KIFC3: variants seen among roughly 807,000 people sequenced by gnomAD.
The protein encoded by KIFC3 is kinesin family member C3, also known as kinesin-like protein KIFC3.
In KIFC3, 60 loss-of-function variants were observed where a neutral mutation model predicts 101.8. The observed-to-expected ratio is 0.59, with a 90% CI of 0.48 to 0.73. The LOEUF (loss-of-function observed/expected upper bound fraction) is 0.73. Ranked by LOEUF, KIFC3 falls within the 30% of genes least tolerant of loss-of-function variation. The probability of loss-of-function intolerance (pLI) is 0.00; values close to 1 mark genes in which losing one functional copy is unlikely to be tolerated. For missense variants in KIFC3, 966 were observed against 1,137.1 expected, an observed-to-expected ratio of 0.85 and a Z score of 2.16; for synonymous variants, 476 against 482.7, an observed-to-expected ratio of 0.99 and a Z score of 0.18.
intron 1 of KIFC3, chr16:57,816,967 C>G: frequency 9.0e-6 from 3 of 332,882 alleles, no homozygotes; most frequent in Non-Finnish European, 1.8e-5. Flanking sequence ...ATGCCGGGCA[C>G]CATGGCATGG....
intron 1 of KIFC3, among the ~76,000 whole-genome samples, chr16:57,849,838 G>A (rs560661018): frequency 2.0e-5 from 3 of 152,274 alleles, no homozygotes; most frequent in East Asian, 1.9e-4. Context: ...GGAATGTGGA[G>A]GTTGCAGTGA....
At chr16:57,772,850 A>C (rs372607080) in intron 3 of KIFC3, among the ~76,000 whole-genome samples, 1 of 152,132 alleles carries the variant, frequency 6.6e-6, no homozygotes, top group South Asian at 2.1e-4. Flanking sequence ...CCCTGCTCCC[A>C]ATCTGCCTTG....
chr16:57,777,874 G>A (rs1555612593), intron 3 of KIFC3, among the ~76,000 whole-genome samples: 2 of 152,220 alleles, frequency 1.3e-5, no homozygotes, highest in East Asian at 1.9e-4. Flanking sequence ...AGGTTGCCAA[G>A]ATCATTTAAT....
chr16:57,812,241 G>A (rs1030759779), intron 1 of KIFC3, among the ~76,000 whole-genome samples: 15 of 151,234 alleles, frequency 9.9e-5, no homozygotes, highest in Non-Finnish European at 2.1e-4. Context: ...ATGGGGTTTC[G>A]CCGTGTTAGC....
rs782179828 is a variant in KIFC3 at position 57,816,380 on chromosome 16, T to TCAGAAGACC, written c.109-18107_109-18099dup. Reference sequence around the variant, plus strand: ...TCCTGGCTTCCTCTTGAGGAAGGCCTCAGAAGACCCGCCTTTGGTCACAGG... The same window carrying TCAGAAGACC: ...TCCTGGCTTCCTCTTGAGGAAGGCCTCAGAAGACCCAGAAGACCCGCCTTTGGTCACAGG... On this transcript the variant is annotated intron_variant, in intron 1 of 2. Coordinates refer to the KIFC3 transcript ENST00000563028. 243 of 677,162 alleles carry TCAGAAGACC rather than the reference T, an allele frequency of 3.6e-4. 1 individual carries two copies. In the Middle Eastern group the frequency reaches 6.0e-3, roughly 17 times the overall value. The allele number at this position is 677,162 out of a possible 1,614,324, so 41.9% of individuals were successfully genotyped here. A position where few individuals can be genotyped will look rare whatever the true frequency, so the allele number is the denominator to read the frequency against.
rs529872108 is a variant in KIFC3, at chr16:57,844,151, G to A, written c.108+18578C>T. 2.6e-5 allele frequency among the ~76,000 whole-genome samples: 4 copies of A among 151,548 alleles called. No homozygotes were observed. The East Asian group carries it at 7.8e-4, about 30-fold the overall frequency. On this transcript the variant is annotated intron_variant, in intron 1 of 2. Coordinates refer to the KIFC3 transcript ENST00000563028. ...CTTTCCTTGATCTAAAGGCAGCGTA[G>A]GCTGGACGCGGTGGCTCATGCCTGT...
chr16:57,761,602 GC>G (rs1567933275), intron 13 of KIFC3, 66 bp from the exon 14 acceptor site: 16 of 1,563,634 alleles, frequency 1.0e-5, no homozygotes, highest in Non-Finnish European at 1.3e-5. Flanking sequence ...ACTGCACCCA[GC>G]CCCCCAGCCA....
intron 3 of KIFC3, chr16:57,788,708 G>A (rs782705609): frequency 7.8e-6 from 10 of 1,289,432 alleles, no homozygotes; most frequent in African/African-American, 3.0e-5. Flanking sequence ...TGTCCTGCAG[G>A]GCCTGCTGCC....
chr16:57,790,965 G>A, intron 3 of KIFC3: 1 of 983,074 alleles, frequency 1.0e-6, no homozygotes, highest in Non-Finnish European at 1.2e-6. Flanking sequence ...TGGGCGCAGT[G>A]GCTCACACCT....
intron 1 of KIFC3, among the ~76,000 whole-genome samples, chr16:57,849,368 A>T (rs1220577438): frequency 1.3e-5 from 2 of 152,202 alleles, no homozygotes; most frequent in Non-Finnish European, 2.9e-5. Context: ...CTTAACACAC[A>T]TCAGATCGAT....
intron 3 of KIFC3, 148 bp from the exon 4 acceptor site, chr16:57,772,436 A>G (rs782306505): frequency 5.4e-5 from 33 of 616,568 alleles, no homozygotes; most frequent in Admixed American, 4.0e-4. Flanking sequence ...CAAGCATCCC[A>G]TCACACCTGG....
intron 9 of KIFC3, among the ~76,000 whole-genome samples, chr16:57,768,509 T>TCACACACACACA (rs61591593): frequency 0.044 from 6,119 of 138,992 alleles, 176 homozygotes; most frequent in African/African-American, 0.062. Flanking sequence ...CCATATATTC[T>TCACACACACACA]CACACACACA....
At chr16:57,826,444 C>T (rs2055458720) in intron 1 of KIFC3, among the ~76,000 whole-genome samples, 1 of 152,096 alleles carries the variant, frequency 6.6e-6, no homozygotes, top group South Asian at 2.1e-4. Flanking sequence ...AGTGACTATT[C>T]CTAAAAGTGG....
At chr16:57,771,497 G>C (rs1227056629) in intron 5 of KIFC3, 46 bp downstream of exon 5, 5 of 1,609,704 alleles carry the variant, frequency 3.1e-6, no homozygotes, top group Non-Finnish European at 4.2e-6. Context: ...GAGGAGCTGG[G>C]GTGGCCCTCC....
At position 57,772,206 on chromosome 16, in the gene KIFC3, C is replaced by T; in HGVS notation, c.381+17G>A. The T allele has an allele frequency of 6.2e-7, 1 of 1,611,414 alleles. No homozygotes were observed. Among genetic ancestry groups the T allele is most frequent in the East Asian group, 2.2e-5 (1 of 44,866 alleles). ...GGCCAGGCCCTGCGCTACCCCAGGA[C>T]AGCCTTGTGGCCTCACCAGCTCAGA... is the stretch of plus-strand genomic sequence containing the variant. On this transcript the variant is annotated intron_variant, in intron 4 of 19. Transcript: ENST00000445690.
chr16:57,785,513 G>T lies in KIFC3; in HGVS notation c.315+9486C>A, dbSNP rs782499139. 3.9e-6 allele frequency: 5 copies of T among 1,289,272 alleles called. No individual in the cohort carries two copies. The South Asian group carries it at 4.9e-5, about 13-fold the overall frequency. The allele number at this position is 1,289,272 out of a possible 1,614,324, so 79.9% of individuals were successfully genotyped here. ...GGCCTGCTGGTCACTGTCGCGGAGG[G>T]CCAGCCTCTCCTGTAGGACCACCAG... is the stretch of plus-strand genomic sequence containing the variant. On this transcript the variant is annotated intron_variant, in intron 3 of 19. Transcript: ENST00000445690.
At chr16:57,824,473 A>G (rs2055418855) in intron 1 of KIFC3, among the ~76,000 whole-genome samples, 1 of 152,220 alleles carries the variant, frequency 6.6e-6, no homozygotes, top group Admixed American at 6.5e-5. Flanking sequence ...ACTTCAGGTC[A>G]GGAGTTCATA....
chr16:57,824,712 CAA>C (rs1555630506), intron 1 of KIFC3, among the ~76,000 whole-genome samples: 1 of 152,106 alleles, frequency 6.6e-6, no homozygotes, highest in African/African-American at 2.4e-5. Flanking sequence ...AACAGAAAAA[CAA>C]AAGATTCCAT....
At chr16:57,796,631 T>C (rs934162880) in intron 2 of KIFC3, among the ~76,000 whole-genome samples, 12 of 152,218 alleles carry the variant, frequency 7.9e-5, no homozygotes, top group African/African-American at 2.9e-4. Context: ...GACCTTTGTC[T>C]TAAATTTTTT....
Sources: allele counts gnomAD v4.1 joint callset (sites outside exome capture counted in the v4.1 genomes callset), GRCh38; gene constraint gnomAD v4.1.1; transcripts MANE v1.5; gene names NCBI Gene and HGNC (gene_info 2026-07-23, HGNC 2026-07-21).